CLIC2: variants seen among roughly 807,000 people sequenced by gnomAD.
The protein encoded by CLIC2 is CLIC family member 2.
A neutral mutation model predicts 14.8 loss-of-function variants in CLIC2; 9 were observed. The observed-to-expected ratio is 0.61, with a 90% CI of 0.37 to 1.06. The LOEUF (loss-of-function observed/expected upper bound fraction) is 1.06. CLIC2 is among the 50% of genes least tolerant of loss of function. The pLI is 0.01. For missense variants in CLIC2, 148 were observed against 181.4 expected (o/e 0.82, Z 1.06); for synonymous variants, 61 against 66.3 (o/e 0.92, Z 0.39).
intron 3 of CLIC2, chrX:155,293,180 G>A: frequency 2.7e-6 from 2 of 742,607 alleles, no homozygotes; most frequent in Non-Finnish European, 4.3e-6. Context: ...GAAGGGGAAA[G>A]CTCTCCTGAC....
At chrX:155,281,423 T>C (rs2124149478) in intron 3 of CLIC2, among the ~76,000 whole-genome samples, 1 of 111,133 alleles carries the variant, frequency 9.0e-6, no homozygotes, top group East Asian at 2.8e-4. Context: ...AGTAATCATT[T>C]CACTATATAT....
chrX:155,276,882 G>C lies in CLIC2; in HGVS notation c.*1021C>G, dbSNP rs782731075. 3.6e-5 allele frequency: 4 copies of C among 111,586 alleles called. No homozygotes were observed. Among genetic ancestry groups the C allele is most frequent in the African/African-American group, 9.8e-5 (3 of 30,756 alleles). The allele number at this position is 111,586 out of a possible 1,213,427, so 9.2% of individuals were successfully genotyped here. ...TTTGCTCATTGCCTTACTTTTCTTT[G>C]AACCTATTAAAACGCTACTTCATTT... On this transcript the variant is annotated 3_prime_UTR_variant, in exon 6 of 6. Transcript: ENST00000369449.
At chrX:155,293,583 TA>T (rs1260639997) in intron 3 of CLIC2, among the ~76,000 whole-genome samples, 1 of 111,125 alleles carries the variant, frequency 9.0e-6, no homozygotes, top group African/African-American at 3.3e-5. Flanking sequence ...CATGTAAACA[TA>T]AACAGATTAA....
intron 3 of CLIC2, among the ~76,000 whole-genome samples, chrX:155,280,954 T>C (rs2070372746): frequency 9.7e-6 from 1 of 103,012 alleles, no homozygotes; most frequent in African/African-American, 3.5e-5. Flanking sequence ...ACAACCTAAG[T>C]TCCCATCAAC....
chrX:155,308,179 G>T (rs781954310), intron 1 of CLIC2, among the ~76,000 whole-genome samples: 7 of 110,017 alleles, frequency 6.4e-5, no homozygotes, highest in African/African-American at 2.3e-4. Context: ...ATAACACAGA[G>T]AATTCTATCA....
intron 1 of CLIC2, among the ~76,000 whole-genome samples, chrX:155,309,119 TA>T (rs782346318): frequency 2.6e-3 from 288 of 109,906 alleles, no homozygotes; most frequent in Middle Eastern, 9.3e-3. Context: ...AAGATACAAG[TA>T]AAAAAAACCC....
chrX:155,299,477 T>G (rs903355012), intron 1 of CLIC2, among the ~76,000 whole-genome samples: 20 of 111,563 alleles, frequency 1.8e-4, no homozygotes, highest in African/African-American at 6.2e-4. Context: ...CTTCTTCCAC[T>G]TCTGAGATTA....
At chrX:155,310,903 C>T (rs1557320504) in intron 1 of CLIC2, among the ~76,000 whole-genome samples, 1 of 112,773 alleles carries the variant, frequency 8.9e-6, no homozygotes. Flanking sequence ...TCTGTAGCCA[C>T]AGCCTGAGCT....
chrX:155,295,134 C>T (rs2074987866), intron 3 of CLIC2, among the ~76,000 whole-genome samples: 1 of 111,624 alleles, frequency 9.0e-6, no homozygotes, highest in African/African-American at 3.3e-5. Context: ...TACTAGCAAA[C>T]TGAATCCAAT....
intron 1 of CLIC2, among the ~76,000 whole-genome samples, chrX:155,305,169 CT>C (rs2075048057): frequency 8.9e-6 from 1 of 112,106 alleles, no homozygotes; most frequent in Non-Finnish European, 1.9e-5. Context: ...GCGGGCGCCC[CT>C]CCCCCAGCCT....
intron 3 of CLIC2, among the ~76,000 whole-genome samples, chrX:155,296,181 G>T (rs180805161): frequency 8.9e-6 from 1 of 111,788 alleles, no homozygotes; most frequent in African/African-American, 3.2e-5. Context: ...CAGAGCAATG[G>T]TCAGAATAGA....
At chrX:155,305,162 G>A (rs1272053622) in intron 1 of CLIC2, among the ~76,000 whole-genome samples, 5 of 112,185 alleles carry the variant, frequency 4.5e-5, no homozygotes, top group African/African-American at 1.6e-4. Flanking sequence ...GGCAATGGCG[G>A]GCGCCCCTCC....
At chrX:155,329,033 G>C (rs1348244072) in intron 1 of CLIC2, among the ~76,000 whole-genome samples, 1 of 111,123 alleles carries the variant, frequency 9.0e-6, no homozygotes, top group African/African-American at 3.3e-5. Context: ...AACTCTCCAA[G>C]ACATTGGAGT....
At chrX:155,331,310 G>C (rs781811177) in intron 1 of CLIC2, among the ~76,000 whole-genome samples, 95 of 110,694 alleles carry the variant, frequency 8.6e-4, no homozygotes, top group African/African-American at 2.8e-3. Flanking sequence ...AAAACTGAAG[G>C]GTTTTTTTTT....
intron 3 of CLIC2, chrX:155,292,700 G>A (rs1557317838): frequency 1.2e-5 from 4 of 345,109 alleles, no homozygotes; most frequent in Middle Eastern, 8.1e-4. Context: ...AACCTGGGAG[G>A]CGGAGCTTGC....
In CLIC2 at chrX:155,304,238, C is replaced by G. The variant is rs1220051035; in HGVS notation, c.58-5093G>C. Among the ~76,000 whole-genome samples the G allele has an allele frequency of 4.8e-5, 5 of 104,276 alleles. No homozygotes were observed. The East Asian group carries it at 1.5e-3, about 32-fold the overall frequency. The allele number at this position is 104,276 out of a possible 115,157, so 90.6% of individuals were successfully genotyped here. A position where few individuals can be genotyped will look rare whatever the true frequency, so the allele number is the denominator to read the frequency against. On this transcript the variant is annotated intron_variant, in intron 1 of 5. Coordinates refer to ENST00000369449, the MANE Select transcript of CLIC2 (RefSeq NM_001289.6). ...TACACCAATCAGACGTAGATTTGGT[C>G]TTTTCACATAGTCCCATATTTCTTG...
rs782285784 is a variant in CLIC2 at position 155,316,319 on chromosome X, T to C, written c.58-17174A>G. On this transcript the variant is annotated intron_variant, in intron 1 of 5. Coordinates refer to ENST00000369449, the MANE Select transcript of CLIC2 (RefSeq NM_001289.6). The stretch of plus-strand genomic sequence containing the variant: ...CAACAACTGCAGAATATACATTCTA[T>C]TTATCAACACATGGAACATTCTCCA... 6.2e-5 allele frequency among the ~76,000 whole-genome samples: 7 copies of C among 112,256 alleles called. No homozygotes were observed. The South Asian group carries it at 2.6e-3, about 41-fold the overall frequency.
chrX:155,318,849 G>A (rs1467362699), intron 1 of CLIC2, among the ~76,000 whole-genome samples: 1 of 112,041 alleles, frequency 8.9e-6, no homozygotes, highest in African/African-American at 3.2e-5. Flanking sequence ...CATGGTACTG[G>A]TATAAAAATG....
chrX:155,287,557 C>T (rs1287521138), intron 3 of CLIC2, among the ~76,000 whole-genome samples: 1 of 111,250 alleles, frequency 9.0e-6, no homozygotes, highest in Non-Finnish European at 1.9e-5. Context: ...TGATCTGGAA[C>T]AGCTGACCTC....
Sources: gnomAD v4.1 joint callset for allele counts (sites outside exome capture counted in the v4.1 genomes callset) on GRCh38, gnomAD v4.1.1 for gene constraint, MANE v1.5 for transcripts, NCBI Gene and HGNC (gene_info 2026-07-23, HGNC 2026-07-21) for gene names.